Variants in LINGO2 observed in about 807,000 individuals in gnomAD.
The protein encoded by LINGO2 is leucine rich repeat and Ig domain containing 2.
LINGO2 carries 14 observed loss-of-function variants against 30.6 expected under a neutral mutation model. The ratio of observed to expected loss-of-function variants is 0.46; its 90% CI spans 0.30 to 0.72. LINGO2 has a LOEUF of 0.72. Among genes scored for constraint, LINGO2 ranks in the 30% least tolerant of loss-of-function variants. The pLI, the probability that LINGO2 is intolerant of heterozygous loss-of-function variation, is 0.07. For missense variants in LINGO2, 729 were observed against 751.7 expected (o/e 0.97, Z 0.35); for synonymous variants, 317 against 288.5 (o/e 1.10, Z -1.00).
the LINGO2 span, among the ~76,000 whole-genome samples, chr9:29,099,449 C>G: frequency 6.6e-6 from 1 of 152,030 alleles, no homozygotes; most frequent in Non-Finnish European, 1.5e-5. Flanking sequence ...AGATACAACC[C>G]ATAGAATGGG....
At chr9:28,533,292 A>T (rs2135435179) in intron 1 of LINGO2, among the ~76,000 whole-genome samples, 1 of 152,196 alleles carries the variant, frequency 6.6e-6, no homozygotes, top group South Asian at 2.1e-4. Context: ...GCCTTTGACC[A>T]CAGACTGAAG....
the LINGO2 span, among the ~76,000 whole-genome samples, chr9:29,086,067 C>T: frequency 1.3e-5 from 2 of 152,060 alleles, no homozygotes; most frequent in Non-Finnish European, 2.9e-5. Context: ...TATTTCATCT[C>T]ACCTCCTCAT....
chr9:28,356,021 A>G (rs1424721224), intron 3 of LINGO2, among the ~76,000 whole-genome samples: 1 of 152,148 alleles, frequency 6.6e-6, no homozygotes, highest in East Asian at 1.9e-4. Flanking sequence ...TTAGATATTT[A>G]ATCACTTCTA....
At chr9:29,035,033 C>G in the LINGO2 span, among the ~76,000 whole-genome samples, 2 of 151,912 alleles carry the variant, frequency 1.3e-5, no homozygotes, top group African/African-American at 4.8e-5. Context: ...AGCAGAGAAA[C>G]CAAATATTCA....
At chr9:28,145,237 C>T (rs978676402) in intron 4 of LINGO2, among the ~76,000 whole-genome samples, 8 of 152,010 alleles carry the variant, frequency 5.3e-5, no homozygotes, top group African/African-American at 1.2e-4. Flanking sequence ...TCAAAGTGTG[C>T]GAGGAAGGCA....
At chr9:28,849,856 G>A in the LINGO2 span, among the ~76,000 whole-genome samples, 66 of 152,032 alleles carry the variant, frequency 4.3e-4, 1 homozygote, top group African/African-American at 1.5e-3. Flanking sequence ...TTCCCAGAGC[G>A]CTCTGCTCCC....
chr9:28,110,132 C>T (rs1335547846), intron 4 of LINGO2, among the ~76,000 whole-genome samples: 3 of 152,130 alleles, frequency 2.0e-5, no homozygotes, highest in African/African-American at 7.2e-5. Context: ...TTGACAAAAA[C>T]AAGCAATGGG....
chr9:28,870,948 G>C, the LINGO2 span, among the ~76,000 whole-genome samples: 1 of 151,846 alleles, frequency 6.6e-6, no homozygotes, highest in African/African-American at 2.4e-5. Flanking sequence ...AGTGTAAGTT[G>C]CCATGTTTTT....
At chr9:28,896,593 T>TA in the LINGO2 span, among the ~76,000 whole-genome samples, 2 of 152,080 alleles carry the variant, frequency 1.3e-5, no homozygotes, top group South Asian at 2.1e-4. Flanking sequence ...TCAAATGCCA[T>TA]AAAAAAATAA....
At chr9:28,743,217 G>GAT in the LINGO2 span, among the ~76,000 whole-genome samples, 446 of 151,694 alleles carry the variant, frequency 2.9e-3, 7 homozygotes, top group African/African-American at 0.011. Flanking sequence ...TAAATTCTGA[G>GAT]ATATATATGC....
intron 5 of LINGO2, among the ~76,000 whole-genome samples, chr9:28,000,215 T>C (rs1023536865): frequency 6.6e-6 from 1 of 152,220 alleles, no homozygotes; most frequent in South Asian, 2.1e-4. Flanking sequence ...AATTGCCATA[T>C]GGCACAGCTC....
chr9:28,926,822 T>G, the LINGO2 span, among the ~76,000 whole-genome samples: 2 of 152,196 alleles, frequency 1.3e-5, no homozygotes, highest in Non-Finnish European at 2.9e-5. Flanking sequence ...ATTCTAATTG[T>G]CTAGGCAACT....
chr9:29,119,367 A>ACACACACG, the LINGO2 span, among the ~76,000 whole-genome samples: 313 of 151,760 alleles, frequency 2.1e-3, no homozygotes, highest in African/African-American at 7.4e-3. Flanking sequence ...GTGTGCGCGC[A>ACACACACG]CACACACACA....
intron 4 of LINGO2, among the ~76,000 whole-genome samples, chr9:28,125,695 A>C (rs1827217222): frequency 6.6e-6 from 1 of 152,200 alleles, no homozygotes; most frequent in Non-Finnish European, 1.5e-5. Flanking sequence ...TAAGAAGGAC[A>C]GTGAAAAAAA....
the LINGO2 span, among the ~76,000 whole-genome samples, chr9:29,211,103 G>GTCC: frequency 6.6e-6 from 1 of 151,998 alleles, no homozygotes; most frequent in Non-Finnish European, 1.5e-5. Flanking sequence ...TCTTCCTTTA[G>GTCC]TATTATTCTA....
chr9:28,639,417 G>C (rs1723931558), intron 1 of LINGO2, among the ~76,000 whole-genome samples: 2 of 151,982 alleles, frequency 1.3e-5, no homozygotes, highest in African/African-American at 2.4e-5. Context: ...GTTGACAGTG[G>C]GGTGTTAAAG....
At chr9:28,836,979 T>C in the LINGO2 span, among the ~76,000 whole-genome samples, 1 of 152,218 alleles carries the variant, frequency 6.6e-6, no homozygotes, top group African/African-American at 2.4e-5. Context: ...TTCTATACTT[T>C]AGTCTCAAAA....
chr9:28,047,691 CAT>C (rs1202164076), intron 4 of LINGO2, among the ~76,000 whole-genome samples: 5 of 150,772 alleles, frequency 3.3e-5, no homozygotes, highest in African/African-American at 1.2e-4. Context: ...CCTGAGATAA[CAT>C]AATTAGCACA....
chr9:28,477,382 G>C (rs1215005850), intron 1 of LINGO2, among the ~76,000 whole-genome samples: 5 of 152,022 alleles, frequency 3.3e-5, no homozygotes, highest in Non-Finnish European at 7.4e-5. Flanking sequence ...AATTATTCAA[G>C]ATCCACAGCT....
Sources: allele counts gnomAD v4.1 joint callset (sites outside exome capture counted in the v4.1 genomes callset), GRCh38; gene constraint gnomAD v4.1.1; transcripts MANE v1.5; gene names NCBI Gene and HGNC (gene_info 2026-07-23, HGNC 2026-07-21).